Variants in PIGB observed in about 807,000 individuals in gnomAD.
PIGB encodes GPI alpha-1,2-mannosyltransferase 3.
Under a neutral mutation model 68.4 loss-of-function variants are expected in PIGB, and 58 were observed. That is an observed-to-expected ratio of 0.85 (90% CI 0.69 to 1.06). The LOEUF (loss-of-function observed/expected upper bound fraction) is 1.06, where lower values mean the gene tolerates loss of function less well. PIGB is among the 50% of genes least tolerant of loss of function. The probability of loss-of-function intolerance (pLI) is 0.00; values close to 1 mark genes in which losing one functional copy is unlikely to be tolerated. For synonymous variants in PIGB, 219 were observed against 220.5 expected, an observed-to-expected ratio of 0.99 and a Z score of 0.06; for missense variants, 634 against 655.8, an observed-to-expected ratio of 0.97 and a Z score of 0.36.
At chr15:55,327,146 A>ATG (rs920764274) in intron 3 of PIGB, among the ~76,000 whole-genome samples, 1 of 149,214 alleles carries the variant, frequency 6.7e-6, no homozygotes, top group African/African-American at 2.4e-5. Flanking sequence ...TTTATAATAT[A>ATG]TGTGTGTGTA....
At chr15:55,327,461 A>G (rs897821120) in intron 3 of PIGB, 70 bp from the exon 4 acceptor site, 23 of 990,876 alleles carry the variant, frequency 2.3e-5, no homozygotes, top group Non-Finnish European at 3.2e-5. Context: ...CAGCTTGTTG[A>G]CTTTTATCAT....
At chr15:55,320,639 G>T (rs1338246381) in intron 2 of PIGB, among the ~76,000 whole-genome samples, 1 of 152,136 alleles carries the variant, frequency 6.6e-6, no homozygotes, top group Non-Finnish European at 1.5e-5. Flanking sequence ...ATTAGGTACA[G>T]TAAGAGATTA....
intron 7 of PIGB, 44 bp downstream of exon 7, chr15:55,339,362 T>A: frequency 8.0e-7 from 1 of 1,251,038 alleles, no homozygotes; most frequent in Non-Finnish European, 1.1e-6. Context: ...TTATTTTTAA[T>A]CCATTAATAC....
At chr15:55,349,713 C>T (rs993811353) in intron 9 of PIGB, 8 of 152,164 alleles carry the variant, frequency 5.3e-5, no homozygotes, top group African/African-American at 1.9e-4. Flanking sequence ...AAATAAAAAA[C>T]ACTGCCTTGG....
At chr15:55,343,560 A>C (rs2055721423) in intron 9 of PIGB, 2 of 152,212 alleles carry the variant, frequency 1.3e-5, no homozygotes, top group Non-Finnish European at 2.9e-5. Flanking sequence ...ATTTACACAA[A>C]GATTGAGTTG....
rs368225851 is a variant in PIGB, at chr15:55,340,716, A to C, written c.951A>C (p.Pro317=). 3.1e-6 allele frequency: 5 copies of C among 1,611,656 alleles called. No individual in the cohort carries two copies. The highest frequency in any genetic ancestry group is 4.2e-6 in the Non-Finnish European group (5 of 1,178,670). ...ACTGGTACTTCAGTCAAGGATTTCC[A>C]GTTATCTTGGGTACTCACTTACCCT... The part of the protein sequence containing the change: ...PWHWYFSQGF[P]VILGTHLPFF... The change falls in exon 8 of 12, where the codon CCA becomes CCC. Residue 317 remains proline (P), a synonymous_variant. Coordinates refer to ENST00000164305, the MANE Select transcript of PIGB (RefSeq NM_004855.5).
intron 3 of PIGB, among the ~76,000 whole-genome samples, chr15:55,325,078 G>A (rs1386445902): frequency 6.6e-6 from 1 of 152,150 alleles, no homozygotes; most frequent in Non-Finnish European, 1.5e-5. Context: ...TGTAATCCCA[G>A]CACTTTGGGA....
chr15:55,341,789 T>C lies in PIGB; in HGVS notation c.1110T>C (p.Cys370=). 1 of 1,452,870 alleles carries C rather than the reference T, an allele frequency of 6.9e-7. No homozygotes were observed. The highest frequency in any genetic ancestry group is 9.2e-7 in the Non-Finnish European group (1 of 1,086,072). 90.0% of individuals were successfully genotyped at this position (1,452,870 alleles called of 1,614,324 possible). The change falls in exon 9 of 12, where the codon TGT becomes TGC. Residue 370 remains cysteine, a synonymous_variant. Coordinates refer to ENST00000164305, the MANE Select transcript of PIGB (RefSeq NM_004855.5). ...TTATTTATCCAGTTTTACCATTCTG[T>C]ATGGTGTTCTGTGGTAAGTGCTTTT... ...FRFIYPVLPF[C]MVFCGYSLTH...
At position 55,321,453 on chromosome 15, in the gene PIGB, C is replaced by T. The variant is rs188979139; in HGVS notation, c.417+63C>T. 503 of 1,405,720 alleles carry T rather than the reference C, an allele frequency of 3.6e-4. 5 individuals carry two copies. The African/African-American group carries it at 6.1e-3, about 17-fold the overall frequency. 87.1% of individuals were successfully genotyped at this position (1,405,720 alleles called of 1,614,324 possible). ...CATGGAATTTGTTTTTAAAAGGCTA[C>T]TGTTGCTGAAGTCCAGCCATATCTG... On this transcript the variant is annotated intron_variant, in intron 3 of 11. Transcript: ENST00000164305.
chr15:55,347,277 T>C (rs2055815646), intron 9 of PIGB, among the ~76,000 whole-genome samples: 1 of 152,058 alleles, frequency 6.6e-6, no homozygotes, highest in Admixed American at 6.6e-5. Context: ...AATACAAAAA[T>C]TAGCCGGGCA....
At position 55,350,685 on chromosome 15, in the gene PIGB, C is replaced by G; in HGVS notation, c.1124-14C>G. ...TTGTCAGTGTTAAGGTTCAATATGT[C>G]TATCTTCATATAGGATACTCATTAA... On this transcript the variant is annotated splice_polypyrimidine_tract_variant and intron_variant, in intron 9 of 11. Transcript: ENST00000164305. The G allele has an allele frequency of 1.3e-6, 2 of 1,539,066 alleles. No homozygotes were observed. The highest frequency in any genetic ancestry group is 1.8e-6 in the Non-Finnish European group (2 of 1,115,102).
intron 8 of PIGB, among the ~76,000 whole-genome samples, chr15:55,341,446 T>G (rs1413576914): frequency 6.6e-6 from 1 of 152,224 alleles, no homozygotes; most frequent in Middle Eastern, 3.2e-3. Flanking sequence ...TGTATCCTTA[T>G]TCCAAATTTG....
chr15:55,350,480 C>CT (rs2055897071), intron 9 of PIGB: 2 of 549,044 alleles, frequency 3.6e-6, no homozygotes, highest in Non-Finnish European at 6.4e-6. Flanking sequence ...TAACCATCAT[C>CT]TTTCCACTAT....
chr15:55,354,173 GC>G (rs1330412512), intron 10 of PIGB, among the ~76,000 whole-genome samples: 1 of 151,774 alleles, frequency 6.6e-6, no homozygotes, highest in Non-Finnish European at 1.5e-5. Flanking sequence ...AATCAGCCAG[GC>G]GTGGTTGGCG....
intron 6 of PIGB, among the ~76,000 whole-genome samples, chr15:55,334,951 T>G (rs2055501283): frequency 6.6e-6 from 1 of 152,192 alleles, no homozygotes; most frequent in Non-Finnish European, 1.5e-5. Flanking sequence ...ACTCCTGACC[T>G]CAGGTGATCC....
Position 55,339,245 on chromosome 15 carries a change from CTA to C in PIGB, c.795-20_795-19del. Reference sequence around the variant, plus strand: ...TTCAGCAAGCTCCAAATGTGAATCACTATGCTATTTTTGTTTTTCAGCTTTGT... The same window carrying C: ...TTCAGCAAGCTCCAAATGTGAATCACTGCTATTTTTGTTTTTCAGCTTTGT... On this transcript the variant is annotated intron_variant, in intron 6 of 11. Coordinates refer to ENST00000164305, the MANE Select transcript of PIGB (RefSeq NM_004855.5). 8 of 1,534,590 alleles carry C rather than the reference CTA, an allele frequency of 5.2e-6. No homozygotes were observed. The highest frequency in any genetic ancestry group is 7.1e-6 in the Non-Finnish European group (8 of 1,132,738).
At chr15:55,352,770 A>G (rs2055953133) in intron 10 of PIGB, among the ~76,000 whole-genome samples, 1 of 152,194 alleles carries the variant, frequency 6.6e-6, no homozygotes, top group African/African-American at 2.4e-5. Flanking sequence ...ATAAATAAAT[A>G]AATACATAAA....
At position 55,355,492 on chromosome 15, in the gene PIGB, C is replaced by T. The variant is rs191218911; in HGVS notation, c.*60C>T. The T allele has an allele frequency of 3.8e-4, 512 of 1,352,148 alleles. 6 individuals are homozygous for T. The African/African-American group carries it at 6.0e-3, about 16-fold the overall frequency. 83.8% of individuals were successfully genotyped at this position (1,352,148 alleles called of 1,614,324 possible). A position where few individuals can be genotyped will look rare whatever the true frequency, so the allele number is the denominator to read the frequency against. ...ATATTCAGATGCTGCTTAAATACTT[C>T]GGTAAACACTGGGTAAGATTCATGG... On this transcript the variant is annotated 3_prime_UTR_variant, in exon 12 of 12. Transcript: ENST00000164305.
At chr15:55,330,641 T>G (rs1173357161) in intron 5 of PIGB, among the ~76,000 whole-genome samples, 1 of 152,174 alleles carries the variant, frequency 6.6e-6, no homozygotes, top group African/African-American at 2.4e-5. Context: ...AATTTGGATT[T>G]TATTCTGTAG....
Sources: allele counts gnomAD v4.1 joint callset (sites outside exome capture counted in the v4.1 genomes callset), GRCh38; gene constraint gnomAD v4.1.1; transcripts MANE v1.5; gene names NCBI Gene and HGNC (gene_info 2026-07-23, HGNC 2026-07-21).